Variants in RAD51B observed in about 807,000 individuals in gnomAD.
RAD51B encodes RAD51 paralog B.
In RAD51B, 38 loss-of-function variants were observed where a neutral mutation model predicts 42.2. The ratio of observed to expected loss-of-function variants is 0.90; its 90% CI spans 0.70 to 1.18. The LOEUF (loss-of-function observed/expected upper bound fraction) is 1.18, where lower values mean the gene tolerates loss of function less well. Ranked by LOEUF, RAD51B falls within the 50% of genes most tolerant of loss-of-function variation. RAD51B has a pLI of 0.00. For synonymous variants in RAD51B, 154 were observed against 145.2 expected (o/e 1.06, Z -0.43); for missense variants, 373 against 400.7 (o/e 0.93, Z 0.59).
chr14:68,222,365 C>A (rs1247308432), intron 7 of RAD51B, among the ~76,000 whole-genome samples: 1 of 152,114 alleles, frequency 6.6e-6, no homozygotes, highest in South Asian at 2.1e-4. Context: ...AATGAAATAA[C>A]GGCATTCACA....
rs374988563 is a variant in RAD51B, at chr14:68,582,759, C to T, written c.1037-11726C>T. Among the ~76,000 whole-genome samples the T allele has an allele frequency of 5.3e-5, 8 of 152,250 alleles. No individual in the cohort carries two copies. The East Asian group carries it at 7.7e-4, about 15-fold the overall frequency. On this transcript the variant is annotated intron_variant, in intron 10 of 10. Coordinates refer to the RAD51B transcript ENST00000487270. ...CAAAGACTTGGAATCAACCCAAACG[C>T]CCATCAATGATAGACTGGATAAAGA...
chr14:68,345,880 G>A (rs966717154), intron 8 of RAD51B, among the ~76,000 whole-genome samples: 2 of 152,140 alleles, frequency 1.3e-5, no homozygotes, highest in Admixed American at 1.3e-4. Flanking sequence ...GGCTGGCCTC[G>A]AACTCCTGAC....
At chr14:68,455,727 T>TA (rs201831820) in intron 9 of RAD51B, among the ~76,000 whole-genome samples, 21 of 151,896 alleles carry the variant, frequency 1.4e-4, no homozygotes, top group East Asian at 3.9e-4. Context: ...CTCAAAAAAT[T>TA]AAAAAAAAAA....
Position 67,887,030 on chromosome 14 carries a change from T to G in RAD51B, c.582T>G (p.Ser194=). The change falls in exon 7 of 11, where the codon TCT becomes TCG. Residue 194 remains serine (S), a synonymous_variant. Coordinates refer to ENST00000471583, the MANE Select transcript of RAD51B (RefSeq NM_133510.4). ...AATTCTTCTTTTATAGGATTGAATC[T>G]TTGGAAGAAGAAATTATCTCAAAAG... ...TCDEVLQRIE[S]LEEEIISKGI... The G allele has an allele frequency of 6.7e-7, 1 of 1,499,256 alleles. No individual in the cohort carries two copies. Among genetic ancestry groups the G allele is most frequent in the South Asian group, 1.3e-5 (1 of 79,672 alleles). The allele number at this position is 1,499,256 out of a possible 1,614,324, so 92.9% of individuals were successfully genotyped here. A position where few individuals can be genotyped will look rare whatever the true frequency, so the allele number is the denominator to read the frequency against.
chr14:68,520,979 A>C (rs922867821), intron 10 of RAD51B, among the ~76,000 whole-genome samples: 1 of 152,148 alleles, frequency 6.6e-6, no homozygotes, highest in African/African-American at 2.4e-5. Context: ...TTTGGGTGGC[A>C]GGGGGTAGGG....
At chr14:68,091,600 C>T (rs2077100577) in intron 7 of RAD51B, among the ~76,000 whole-genome samples, 1 of 151,996 alleles carries the variant, frequency 6.6e-6, no homozygotes, top group Admixed American at 6.6e-5. Context: ...GGATATTAGC[C>T]CTTTGTCAGA....
chr14:67,879,048 C>T (rs2042821340), intron 5 of RAD51B, among the ~76,000 whole-genome samples: 1 of 152,086 alleles, frequency 6.6e-6, no homozygotes, highest in African/African-American at 2.4e-5. Flanking sequence ...AACAGGGCTC[C>T]ATTAGGAAAA....
chr14:68,182,461 C>A (rs1034834497), intron 7 of RAD51B, among the ~76,000 whole-genome samples: 5 of 152,292 alleles, frequency 3.3e-5, no homozygotes, highest in South Asian at 2.1e-4. Context: ...AATTTAAATT[C>A]TTTTTCATAT....
intron 8 of RAD51B, among the ~76,000 whole-genome samples, chr14:68,315,342 A>C (rs981001293): frequency 1.4e-4 from 21 of 152,192 alleles, no homozygotes; most frequent in African/African-American, 5.1e-4. Context: ...AGATCAAAGC[A>C]GGCCTCTTGG....
At chr14:68,616,113 G>C (rs1891820386), downstream of RAD51B, among the ~76,000 whole-genome samples, 1 of 151,918 alleles carries the variant, frequency 6.6e-6, no homozygotes, top group Non-Finnish European at 1.5e-5. Context: ...TTTTATTTCT[G>C]CATATGTTAT....
At chr14:68,547,116 A>G (rs1415115489) in intron 10 of RAD51B, among the ~76,000 whole-genome samples, 1 of 152,230 alleles carries the variant, frequency 6.6e-6, no homozygotes, top group Non-Finnish European at 1.5e-5. Context: ...GTCATGGACT[A>G]GACCGGTGCC....
intron 7 of RAD51B, among the ~76,000 whole-genome samples, chr14:67,998,210 T>G (rs1280583778): frequency 6.6e-6 from 1 of 152,244 alleles, no homozygotes; most frequent in Non-Finnish European, 1.5e-5. Context: ...TGCAGCTTAC[T>G]GCCAGTGCTT....
At chr14:68,113,340 A>G (rs1387523554) in intron 7 of RAD51B, among the ~76,000 whole-genome samples, 2 of 152,182 alleles carry the variant, frequency 1.3e-5, no homozygotes, top group Non-Finnish European at 2.9e-5. Flanking sequence ...CAAGTAGTTC[A>G]TAGATGAAGA....
rs145305346 is a variant in RAD51B at position 68,069,405 on chromosome 14, T to G, written c.756+182201T>G. Among the ~76,000 whole-genome samples, 179 of 152,240 alleles carry G rather than the reference T, an allele frequency of 1.2e-3. No homozygotes were observed. The Middle Eastern group carries it at 0.027, about 23-fold the overall frequency. ...CCTGAGTAATCAGCATAATACCCAA[T>G]TAAGTAGTTTTTAAAATCCTCACCA... On this transcript the variant is annotated intron_variant, in intron 7 of 10. Transcript: ENST00000471583.
At chr14:68,093,977 C>G (rs2077148380) in intron 7 of RAD51B, among the ~76,000 whole-genome samples, 1 of 152,202 alleles carries the variant, frequency 6.6e-6, no homozygotes, top group Non-Finnish European at 1.5e-5. Flanking sequence ...TGTGTAAGAA[C>G]ACTCCTGCTG....
intron 7 of RAD51B, among the ~76,000 whole-genome samples, chr14:68,205,084 T>G (rs1274444903): frequency 6.6e-6 from 1 of 152,206 alleles, no homozygotes; most frequent in East Asian, 1.9e-4. Context: ...GTTATTTTGA[T>G]TTTTGAGAGG....
intron 9 of RAD51B, among the ~76,000 whole-genome samples, chr14:68,412,943 TGA>T (rs2084457833): frequency 6.6e-6 from 1 of 152,170 alleles, no homozygotes; most frequent in African/African-American, 2.4e-5. Context: ...GAATCAATGT[TGA>T]GTCATTCGTT....
At chr14:67,984,004 T>C (rs2075141052) in intron 7 of RAD51B, among the ~76,000 whole-genome samples, 1 of 151,808 alleles carries the variant, frequency 6.6e-6, no homozygotes, top group Non-Finnish European at 1.5e-5. Flanking sequence ...AGTGGCGCGA[T>C]CTTGGCTCAC....
At chr14:68,063,503 A>G (rs2076601756) in intron 7 of RAD51B, among the ~76,000 whole-genome samples, 1 of 152,192 alleles carries the variant, frequency 6.6e-6, no homozygotes, top group Non-Finnish European at 1.5e-5. Flanking sequence ...TGGGAGGCCG[A>G]AGCGGGCGGA....
Sources: gnomAD v4.1 joint callset for allele counts (sites outside exome capture counted in the v4.1 genomes callset) on GRCh38, gnomAD v4.1.1 for gene constraint, MANE v1.5 for transcripts, NCBI Gene and HGNC (gene_info 2026-07-23, HGNC 2026-07-21) for gene names.